Variants in GRIK3 observed in about 807,000 individuals in gnomAD.
GRIK3 encodes glutamate receptor ionotropic, kainate 3.
A neutral mutation model predicts 102.5 loss-of-function variants in GRIK3; 29 were observed. The observed-to-expected ratio is 0.28, with a 90% CI of 0.21 to 0.39. The LOEUF (loss-of-function observed/expected upper bound fraction) is 0.39. GRIK3 is among the 10% of genes least tolerant of loss of function. The pLI, the probability that GRIK3 is intolerant of heterozygous loss-of-function variation, is 1.00. For missense variants in GRIK3, 908 were observed against 1,252.4 expected (o/e 0.73, Z 4.15); for synonymous variants, 511 against 504.9 (o/e 1.01, Z -0.16).
chr1:36,824,321 T>C (rs1371080922), intron 11 of GRIK3, among the ~76,000 whole-genome samples: 1 of 151,908 alleles, frequency 6.6e-6, no homozygotes, highest in Admixed American at 6.5e-5. Flanking sequence ...CTCTGGAGAG[T>C]GGCTCCTGGC....
chr1:36,888,009 T>C (rs523553), intron 2 of GRIK3, among the ~76,000 whole-genome samples: 135,623 of 152,084 alleles, frequency 0.89, 60,685 homozygotes, highest in East Asian at 0.99. Context: ...TGAACATATG[T>C]ACATACTGTG....
intron 1 of GRIK3, among the ~76,000 whole-genome samples, chr1:36,938,925 A>G (rs1641688965): frequency 6.6e-6 from 1 of 152,218 alleles, no homozygotes; most frequent in Admixed American, 6.5e-5. Context: ...AGCCAACTTG[A>G]GAGGCTGAAG....
At position 36,841,690 on chromosome 1, in the gene GRIK3, G is replaced by A. The variant is rs987285426; in HGVS notation, c.1530+46C>T. The A allele has an allele frequency of 3.3e-6, 5 of 1,516,098 alleles. No homozygotes were observed. In the African/African-American group the frequency reaches 6.8e-5, roughly 21 times the overall value. The allele number at this position is 1,516,098 out of a possible 1,614,324, so 93.9% of individuals were successfully genotyped here. A position where few individuals can be genotyped will look rare whatever the true frequency, so the allele number is the denominator to read the frequency against. On this transcript the variant is annotated intron_variant, in intron 10 of 15. Transcript: ENST00000373091. ...TGTGGTGCAGACAGTTCTAGGCCAA[G>A]TCTCCCCAGGGTCCTGAGCCCTCCC... is the stretch of plus-strand genomic sequence containing the variant.
rs746553041 is a variant in GRIK3, at chr1:36,800,196, G to C, written c.*1655C>G. 1 of 152,124 alleles carries C rather than the reference G, an allele frequency of 6.6e-6. No individual in the cohort carries two copies. The allele number at this position is 152,124 out of a possible 1,614,324, so 9.4% of individuals were successfully genotyped here. A position where few individuals can be genotyped will look rare whatever the true frequency, so the allele number is the denominator to read the frequency against. On this transcript the variant is annotated 3_prime_UTR_variant, in exon 16 of 16. Transcript: ENST00000373091. ...ATCCAAATGAAGCTCTTCCCTAACC[G>C]GGCTTCCCAAGCAGCATGGGACAGA...
intron 1 of GRIK3, among the ~76,000 whole-genome samples, chr1:36,947,203 T>A (rs1641794181): frequency 6.6e-6 from 1 of 152,058 alleles, no homozygotes; most frequent in Admixed American, 6.5e-5. Context: ...CCGATCATGG[T>A]ACCCAACTCA....
chr1:37,018,362 C>G (rs1642675145), intron 1 of GRIK3, among the ~76,000 whole-genome samples: 1 of 152,186 alleles, frequency 6.6e-6, no homozygotes, highest in Admixed American at 6.5e-5. Context: ...AATCTGCCTT[C>G]TCGGACCATC....
At chr1:36,881,354 C>T (rs1014900470) in intron 2 of GRIK3, among the ~76,000 whole-genome samples, 9 of 152,282 alleles carry the variant, frequency 5.9e-5, no homozygotes, top group African/African-American at 2.2e-4. Flanking sequence ...TACTCAACAT[C>T]ACCAGTTGGA....
intron 1 of GRIK3, among the ~76,000 whole-genome samples, chr1:36,913,886 C>T (rs2124297630): frequency 6.6e-6 from 1 of 152,334 alleles, no homozygotes; most frequent in East Asian, 1.9e-4. Context: ...CCCAAATCCC[C>T]ACAACTCTCC....
intron 1 of GRIK3, among the ~76,000 whole-genome samples, chr1:36,960,866 C>T (rs1236397358): frequency 6.6e-6 from 1 of 152,202 alleles, no homozygotes; most frequent in Non-Finnish European, 1.5e-5. Flanking sequence ...TCCCTTCTAG[C>T]CTAGGACAAG....
At chr1:36,974,569 C>A (rs776762749) in intron 1 of GRIK3, among the ~76,000 whole-genome samples, 1 of 151,984 alleles carries the variant, frequency 6.6e-6, no homozygotes, top group East Asian at 1.9e-4. Context: ...GAGGCTGAGG[C>A]GGGTGGATCA....
At position 36,806,381 on chromosome 1, in the gene GRIK3, C is replaced by A; in HGVS notation, c.2092-55G>T. 1 of 1,100,046 alleles carries A rather than the reference C, an allele frequency of 9.1e-7. No homozygotes were observed. The highest frequency in any genetic ancestry group is 1.4e-6 in the Non-Finnish European group (1 of 736,656). The allele number at this position is 1,100,046 out of a possible 1,614,324, so 68.1% of individuals were successfully genotyped here. A position where few individuals can be genotyped will look rare whatever the true frequency, so the allele number is the denominator to read the frequency against. ...CACCGTTACTAGGCGCACCAGGGAC[C>A]AAGCACCGCATACCCTGCACAACGT... On this transcript the variant is annotated intron_variant, in intron 13 of 15. Coordinates refer to ENST00000373091, the MANE Select transcript of GRIK3 (RefSeq NM_000831.4). The surrounding 1 kb of genome is among the most constrained non-coding windows in gnomAD (Gnocchi z 4.0).
At chr1:37,002,228 G>GA (rs1642485467) in intron 1 of GRIK3, among the ~76,000 whole-genome samples, 1 of 152,108 alleles carries the variant, frequency 6.6e-6, no homozygotes, top group South Asian at 2.1e-4. Flanking sequence ...ATATAACAAA[G>GA]AAAAAATTAG....
At chr1:36,906,915 T>C (rs1273486878) in intron 1 of GRIK3, among the ~76,000 whole-genome samples, 1 of 152,128 alleles carries the variant, frequency 6.6e-6, no homozygotes, top group Non-Finnish European at 1.5e-5. Flanking sequence ...AATTTGAAGG[T>C]TTTCAGCACA....
intron 11 of GRIK3, among the ~76,000 whole-genome samples, chr1:36,825,288 G>A (rs1409882231): frequency 6.6e-6 from 1 of 152,132 alleles, no homozygotes; most frequent in Admixed American, 6.5e-5. Context: ...TAGCTCATGT[G>A]GTGCCACTTT....
At chr1:36,985,563 A>T (rs184929222) in intron 1 of GRIK3, among the ~76,000 whole-genome samples, 6 of 152,102 alleles carry the variant, frequency 3.9e-5, no homozygotes, top group East Asian at 3.9e-4. Flanking sequence ...TGGGCAAAAG[A>T]TGTGGGCACT....
At chr1:36,991,944 C>T (rs1178205549) in intron 1 of GRIK3, among the ~76,000 whole-genome samples, 1 of 152,152 alleles carries the variant, frequency 6.6e-6, no homozygotes, top group Non-Finnish European at 1.5e-5. Context: ...GGCCAGCCCT[C>T]AGCTGTTCCC....
rs201183085 is a variant in GRIK3 at position 36,860,058 on chromosome 1, T to G, written c.787-41A>C. On this transcript the variant is annotated intron_variant, in intron 5 of 15. Coordinates refer to ENST00000373091, the MANE Select transcript of GRIK3 (RefSeq NM_000831.4). ...TCTGTGTAAACCAAGGCATGCTCAC[T>G]GCTGAGAACTCCAGCCCCGCCTCCT... The G allele has an allele frequency of 1.5e-5, 22 of 1,472,252 alleles. No homozygotes were observed. In the African/African-American group the frequency reaches 2.7e-4, roughly 18 times the overall value. 91.2% of individuals were successfully genotyped at this position (1,472,252 alleles called of 1,614,324 possible).
intron 1 of GRIK3, among the ~76,000 whole-genome samples, chr1:36,995,428 A>G (rs1481796759): frequency 6.6e-6 from 1 of 152,178 alleles, no homozygotes; most frequent in Non-Finnish European, 1.5e-5. Flanking sequence ...CATGGCCTCC[A>G]TGTGAAAAGT....
Position 36,982,945 on chromosome 1 carries a change from C to T in GRIK3, c.115+51049G>A, listed in dbSNP as rs558743640. On this transcript the variant is annotated intron_variant, in intron 1 of 15. Coordinates refer to ENST00000373091, the MANE Select transcript of GRIK3 (RefSeq NM_000831.4). ...GCTCCCCAGAACCCGATCATCTCCG[C>T]GGACAATTAAAACCCGGCTGTCTCA... is the stretch of plus-strand genomic sequence containing the variant. Among the ~76,000 whole-genome samples, 55 of 152,298 alleles carry T rather than the reference C, an allele frequency of 3.6e-4. No homozygotes were observed. In the South Asian group the frequency reaches 9.7e-3, roughly 27 times the overall value.
Sources: allele counts gnomAD v4.1 joint callset (sites outside exome capture counted in the v4.1 genomes callset), GRCh38; gene constraint gnomAD v4.1.1; non-coding constraint Gnocchi (gnomAD v3.1); transcripts MANE v1.5; gene names NCBI Gene and HGNC (gene_info 2026-07-23, HGNC 2026-07-21).